Variants in INSC observed in about 807,000 individuals in gnomAD.
INSC encodes INSC spindle orientation adaptor protein.
A neutral mutation model predicts 58.6 loss-of-function variants in INSC; 67 were observed. That is an observed-to-expected ratio of 1.14 (90% confidence interval 0.94 to 1.40). The LOEUF (loss-of-function observed/expected upper bound fraction) is 1.40. Ranked by LOEUF, INSC falls within the 40% of genes most tolerant of loss-of-function variation. INSC has a pLI of 0.00. For missense variants in INSC, 714 were observed against 692.0 expected, an observed-to-expected ratio of 1.03 and a Z score of -0.36; for synonymous variants, 262 against 276.1, an observed-to-expected ratio of 0.95 and a Z score of 0.51.
chr11:15,213,871 T>C (rs1223122649), intron 7 of INSC, among the ~76,000 whole-genome samples: 2 of 152,204 alleles, frequency 1.3e-5, no homozygotes, highest in African/African-American at 4.8e-5. Context: ...AGGAGGATAA[T>C]ATTATCATCC....
intron 1 of INSC, among the ~76,000 whole-genome samples, chr11:15,117,848 G>A (rs1238557144): frequency 6.6e-6 from 1 of 152,024 alleles, no homozygotes; most frequent in African/African-American, 2.4e-5. Context: ...AGTAGCTCTG[G>A]GACATAATGC....
At chr11:15,192,430 G>C (rs1850214705) in intron 6 of INSC, among the ~76,000 whole-genome samples, 1 of 152,182 alleles carries the variant, frequency 6.6e-6, no homozygotes, top group African/African-American at 2.4e-5. Flanking sequence ...CCCACCTGTG[G>C]TGTCTAAAAA....
intron 1 of INSC, among the ~76,000 whole-genome samples, chr11:15,140,280 C>T (rs921408215): frequency 6.6e-6 from 1 of 152,200 alleles, no homozygotes. Flanking sequence ...TGAGTCTGAA[C>T]AGGACTCATT....
intron 1 of INSC, among the ~76,000 whole-genome samples, chr11:15,144,119 T>G (rs935977319): frequency 2.0e-5 from 3 of 152,212 alleles, no homozygotes; most frequent in African/African-American, 7.2e-5. Flanking sequence ...GGGAAACAAG[T>G]GCCTGGCTTT....
chr11:15,242,550 G>A (rs982489918), intron 12 of INSC, among the ~76,000 whole-genome samples: 1 of 152,018 alleles, frequency 6.6e-6, no homozygotes, highest in Admixed American at 6.6e-5. Flanking sequence ...TCTCAGTCTG[G>A]CTCCAACCCA....
At chr11:15,158,407 A>G (rs1848892516) in intron 2 of INSC, among the ~76,000 whole-genome samples, 1 of 151,874 alleles carries the variant, frequency 6.6e-6, no homozygotes, top group African/African-American at 2.4e-5. Context: ...CTTTTTGACC[A>G]TATGCCTCTG....
chr11:15,153,880 A>G (rs1300604059), intron 2 of INSC, among the ~76,000 whole-genome samples: 3 of 152,154 alleles, frequency 2.0e-5, no homozygotes, highest in Non-Finnish European at 4.4e-5. Context: ...CACCTTTTGG[A>G]GTCTTGCCTC....
intron 2 of INSC, among the ~76,000 whole-genome samples, chr11:15,161,183 T>A (rs1109328): frequency 1.1e-4 from 16 of 152,022 alleles, no homozygotes. Context: ...GGCAGTGCCA[T>A]AATCCATGCC....
intron 5 of INSC, among the ~76,000 whole-genome samples, chr11:15,181,083 A>C (rs1441469937): frequency 1.3e-5 from 2 of 152,224 alleles, no homozygotes; most frequent in African/African-American, 4.8e-5. Context: ...ATTTCTTTAC[A>C]TCAAAATTTG....
downstream of INSC, chr11:15,247,300 G>A (rs193193463): frequency 6.6e-6 from 1 of 152,118 alleles, no homozygotes; most frequent in East Asian, 1.9e-4. Context: ...ATAATCACAT[G>A]AGTATTAATT....
intron 2 of INSC, among the ~76,000 whole-genome samples, chr11:15,149,789 T>G (rs75741912): frequency 0.018 from 2,744 of 152,286 alleles, 85 homozygotes; most frequent in African/African-American, 0.062. Flanking sequence ...CTGGAAGATG[T>G]GGTAAGGCAG....
intron 1 of INSC, among the ~76,000 whole-genome samples, chr11:15,126,568 A>G (rs1040107451): frequency 6.6e-6 from 1 of 152,188 alleles, no homozygotes; most frequent in Non-Finnish European, 1.5e-5. Context: ...TATAGATGGG[A>G]AACTGGAGGC....
intron 1 of INSC, among the ~76,000 whole-genome samples, chr11:15,147,557 A>T (rs1324669740): frequency 1.3e-5 from 2 of 152,242 alleles, no homozygotes; most frequent in African/African-American, 4.8e-5. Context: ...ACAGATGAAG[A>T]GATGGGGCTC....
intron 1 of INSC, among the ~76,000 whole-genome samples, chr11:15,117,927 G>A (rs896333510): frequency 6.6e-6 from 1 of 152,198 alleles, no homozygotes; most frequent in Non-Finnish European, 1.5e-5. Flanking sequence ...AACACCCCCT[G>A]CTCCGAGTGT....
At chr11:15,221,280 C>G (rs1168866061) in intron 7 of INSC, among the ~76,000 whole-genome samples, 197 bp from the exon 8 acceptor site, 2 of 152,016 alleles carry the variant, frequency 1.3e-5, no homozygotes, top group Non-Finnish European at 2.9e-5. Context: ...GGAGAGGCCT[C>G]CAGGTGCCAG....
Position 15,175,938 on chromosome 11 carries a change from G to T in INSC, c.254G>T (p.Ser85Ile). ...QLLLKRGWVI[S>I]TELRRIGQKL... ...CTGCTCAAACGGGGTTGGGTCATTA[G>T]CACAGAGCTGCGCAGGATCGGGCAG... Residue 85 changes from serine to isoleucine, a missense_variant, in exon 3 of 13, where the codon AGC (serine) becomes ATC (isoleucine). Coordinates refer to ENST00000379556, the MANE Select transcript of INSC (RefSeq NM_001042536.3). 1 of 1,614,170 alleles carries T rather than the reference G, an allele frequency of 6.2e-7. No homozygotes were observed. The highest frequency in any genetic ancestry group is 8.5e-7 in the Non-Finnish European group (1 of 1,180,000).
chr11:15,152,843 AT>A (rs2133759462), intron 2 of INSC, among the ~76,000 whole-genome samples: 1 of 152,262 alleles, frequency 6.6e-6, no homozygotes, highest in African/African-American at 2.4e-5. Flanking sequence ...CCACATCACA[AT>A]GTCTATCTCA....
At chr11:15,122,859 C>T (rs771174513) in intron 1 of INSC, among the ~76,000 whole-genome samples, 14 of 152,208 alleles carry the variant, frequency 9.2e-5, no homozygotes, top group Non-Finnish European at 1.8e-4. Context: ...TTTCAAAACA[C>T]AACTCTGTTC....
At chr11:15,225,850 G>A in intron 9 of INSC, 22 bp downstream of exon 9, 2 of 1,604,984 alleles carry the variant, frequency 1.2e-6, no homozygotes, top group Admixed American at 1.7e-5. Context: ...AGAAGGCACT[G>A]AGCACAGGGC....
Sources: gnomAD v4.1 joint callset for allele counts (sites outside exome capture counted in the v4.1 genomes callset) on GRCh38, gnomAD v4.1.1 for gene constraint, MANE v1.5 for transcripts, NCBI Gene and HGNC (gene_info 2026-07-23, HGNC 2026-07-21) for gene names.